The following SGCZ variants were observed in gnomAD, a reference collection of about 807,000 sequenced individuals.
SGCZ encodes the protein zeta-sarcoglycan.
Under a neutral mutation model 41.3 loss-of-function variants are expected in SGCZ, and 40 were observed. The observed-to-expected ratio is 0.97, with a 90% CI of 0.75 to 1.26. The LOEUF (loss-of-function observed/expected upper bound fraction) is 1.26. Ranked by LOEUF, SGCZ falls within the 50% of genes most tolerant of loss-of-function variation. The probability of loss-of-function intolerance (pLI) is 0.00; values close to 1 mark genes in which losing one functional copy is unlikely to be tolerated. For synonymous variants in SGCZ, 206 were observed against 137.5 expected, an observed-to-expected ratio of 1.50 and a Z score of -3.49; for missense variants, 552 against 369.8, an observed-to-expected ratio of 1.49 and a Z score of -4.04.
intron 2 of SGCZ, among the ~76,000 whole-genome samples, chr8:14,392,835 T>C (rs1490601619): frequency 6.6e-6 from 1 of 151,734 alleles, no homozygotes; most frequent in Non-Finnish European, 1.5e-5. Flanking sequence ...CTAAGTGAGA[T>C]TTGCACATGA....
At chr8:15,196,122 C>T (rs1253692204) in intron 1 of SGCZ, among the ~76,000 whole-genome samples, 2 of 134,226 alleles carry the variant, frequency 1.5e-5, no homozygotes, top group Admixed American at 1.5e-4. Flanking sequence ...TGGTCTCGAT[C>T]TCCTGACCTC....
chr8:14,600,714 A>G (rs571511753), intron 1 of SGCZ, among the ~76,000 whole-genome samples: 2 of 151,650 alleles, frequency 1.3e-5, no homozygotes, highest in African/African-American at 4.8e-5. Flanking sequence ...GATTTCAACT[A>G]AAAAAAATAT....
At chr8:14,623,193 T>A (rs1373923253) in intron 1 of SGCZ, among the ~76,000 whole-genome samples, 1 of 152,046 alleles carries the variant, frequency 6.6e-6, no homozygotes, top group Non-Finnish European at 1.5e-5. Flanking sequence ...AAATAACCAA[T>A]CAAGATGAAT....
chr8:15,186,381 G>A (rs1482398116), intron 1 of SGCZ, among the ~76,000 whole-genome samples: 3 of 150,974 alleles, frequency 2.0e-5, no homozygotes, highest in East Asian at 4.0e-4. Context: ...CTCCAGTCGG[G>A]TATTAAGTAC....
At chr8:14,131,383 C>A (rs988557180) in intron 5 of SGCZ, among the ~76,000 whole-genome samples, 1 of 152,152 alleles carries the variant, frequency 6.6e-6, no homozygotes, top group Non-Finnish European at 1.5e-5. Flanking sequence ...ACTGCAAACA[C>A]CTACAGTTCT....
At chr8:15,124,314 A>G (rs754638942) in intron 1 of SGCZ, among the ~76,000 whole-genome samples, 4 of 152,168 alleles carry the variant, frequency 2.6e-5, no homozygotes, top group African/African-American at 4.8e-5. Flanking sequence ...GAATGTGTTT[A>G]TCTTTGAGGA....
intron 5 of SGCZ, among the ~76,000 whole-genome samples, chr8:14,141,992 A>T (rs1223135111): frequency 6.6e-6 from 1 of 152,240 alleles, no homozygotes; most frequent in Non-Finnish European, 1.5e-5. Flanking sequence ...AGTCATAAAA[A>T]ATGGATAAGT....
chr8:15,216,223 CT>C (rs34383864), intron 1 of SGCZ, among the ~76,000 whole-genome samples: 23 of 125,918 alleles, frequency 1.8e-4, no homozygotes, highest in South Asian at 2.5e-4. Context: ...CTTTTTTTTT[CT>C]TTTTTTTTTT....
At chr8:14,531,835 G>A (rs1021718924) in intron 2 of SGCZ, among the ~76,000 whole-genome samples, 5 of 151,968 alleles carry the variant, frequency 3.3e-5, no homozygotes, top group Non-Finnish European at 5.9e-5. Flanking sequence ...TGTAATTAAT[G>A]TTATCATATG....
chr8:14,313,961 G>A (rs1414566494), intron 3 of SGCZ, among the ~76,000 whole-genome samples: 2 of 149,868 alleles, frequency 1.3e-5, no homozygotes, highest in Non-Finnish European at 3.0e-5. Flanking sequence ...TGTGTTGGTG[G>A]AGAGAAAGAT....
intron 1 of SGCZ, among the ~76,000 whole-genome samples, chr8:15,031,380 T>C (rs1256941805): frequency 6.6e-6 from 1 of 152,024 alleles, no homozygotes; most frequent in East Asian, 1.9e-4. Flanking sequence ...CAGTAGAGAG[T>C]GTTGAATCTG....
chr8:14,697,007 T>G (rs576557575), intron 1 of SGCZ, among the ~76,000 whole-genome samples: 3 of 152,006 alleles, frequency 2.0e-5, no homozygotes, highest in Non-Finnish European at 4.4e-5. Flanking sequence ...TAGCACAGTC[T>G]TACATTAAAT....
intron 1 of SGCZ, among the ~76,000 whole-genome samples, chr8:15,118,668 C>T (rs143257758): frequency 3.9e-5 from 6 of 152,000 alleles, no homozygotes; most frequent in African/African-American, 1.5e-4. Flanking sequence ...ACCCTCTGAT[C>T]AGGAGTAGCT....
chr8:14,464,632 T>C (rs1800997233), intron 2 of SGCZ, among the ~76,000 whole-genome samples: 1 of 151,580 alleles, frequency 6.6e-6, no homozygotes, highest in South Asian at 2.1e-4. Context: ...TCCCTTCTGT[T>C]ACTTTTGGGT....
rs180688848 is a variant in SGCZ at position 15,011,983 on chromosome 8, C to T, written c.39+225602G>A. ...AAGAAATTACGTCAAAGAAGAGTAGCTCTATTAGAAGGTCACATTTGCATC... is the reference window on the plus strand; with the variant it reads ...AAGAAATTACGTCAAAGAAGAGTAGTTCTATTAGAAGGTCACATTTGCATC... On this transcript the variant is annotated intron_variant, in intron 1 of 7. Coordinates refer to ENST00000382080, the MANE Select transcript of SGCZ (RefSeq NM_139167.4). Among the ~76,000 whole-genome samples, 6 of 152,208 alleles carry T rather than the reference C, an allele frequency of 3.9e-5. No individual in the cohort carries two copies. In the East Asian group the frequency reaches 1.2e-3, roughly 29 times the overall value.
intron 1 of SGCZ, among the ~76,000 whole-genome samples, chr8:14,643,487 T>C (rs1314962872): frequency 6.6e-6 from 1 of 151,238 alleles, no homozygotes; most frequent in Non-Finnish European, 1.5e-5. Flanking sequence ...ACATAAATTA[T>C]GTGGAATGAG....
chr8:15,086,664 G>GA (rs11418310), intron 1 of SGCZ, among the ~76,000 whole-genome samples: 136,958 of 152,090 alleles, frequency 0.9, 61,681 homozygotes, highest in Admixed American at 0.94. Flanking sequence ...TTCTGTAATT[G>GA]AAAAAATAAT....
intron 1 of SGCZ, among the ~76,000 whole-genome samples, chr8:14,716,644 T>C (rs1173752108): frequency 6.6e-6 from 1 of 152,128 alleles, no homozygotes; most frequent in Non-Finnish European, 1.5e-5. Context: ...CAAACCCATC[T>C]TAGGTTTCTT....
intron 1 of SGCZ, among the ~76,000 whole-genome samples, chr8:15,053,173 C>A (rs1213061872): frequency 2.0e-5 from 3 of 152,158 alleles, no homozygotes; most frequent in South Asian, 2.1e-4. Flanking sequence ...CACAGCAAAT[C>A]TTTTATTCCA....
Sources: gnomAD v4.1 joint callset for allele counts (sites outside exome capture counted in the v4.1 genomes callset) on GRCh38, gnomAD v4.1.1 for gene constraint, MANE v1.5 for transcripts, NCBI Gene and HGNC (gene_info 2026-07-23, HGNC 2026-07-21) for gene names.